ATP2C1: variants seen among roughly 807,000 people sequenced by gnomAD.
ATP2C1 encodes the protein calcium-transporting ATPase type 2C member 1.
In ATP2C1, 31 loss-of-function variants were observed where a neutral mutation model predicts 120.5. That is an observed-to-expected ratio of 0.26 (90% CI 0.19 to 0.35). The LOEUF is 0.35. Ranked by LOEUF, ATP2C1 falls within the 10% of genes least tolerant of loss-of-function variation. ATP2C1 has a pLI of 1.00. For missense variants in ATP2C1, 731 were observed against 1,107.5 expected (o/e 0.66, Z 4.83); for synonymous variants, 351 against 358.7 (o/e 0.98, Z 0.24).
intron 11 of ATP2C1, among the ~76,000 whole-genome samples, chr3:130,956,949 T>C (rs1252828066): frequency 6.6e-6 from 1 of 152,198 alleles, no homozygotes; most frequent in African/African-American, 2.4e-5. Context: ...ATCAATCTTT[T>C]TGTTGTATAA....
chr3:130,996,190 A>C, intron 23 of ATP2C1, 79 bp downstream of exon 23: 1 of 1,022,916 alleles, frequency 9.8e-7, no homozygotes, highest in South Asian at 1.3e-5. Context: ...GAATGCCTAG[A>C]AACTTCTCTG....
chr3:130,972,056 A>AG (rs2061339526), intron 17 of ATP2C1, among the ~76,000 whole-genome samples: 1 of 152,146 alleles, frequency 6.6e-6, no homozygotes, highest in African/African-American at 2.4e-5. Flanking sequence ...TTCCACAGGC[A>AG]GGGGATGGTT....
rs530036049 is a variant in ATP2C1, at chr3:130,912,724, A to G, written c.7-17692A>G. On this transcript the variant is annotated intron_variant, in intron 2 of 27. Transcript: ENST00000510168. Reference sequence around the variant, plus strand: ...TCCTCAGGGATCTAGAACTAGAAATACCATTTGACCCAGCCATCCCATTAC... The same window carrying G: ...TCCTCAGGGATCTAGAACTAGAAATGCCATTTGACCCAGCCATCCCATTAC... Among the ~76,000 whole-genome samples, 43 of 146,534 alleles carry G rather than the reference A, an allele frequency of 2.9e-4. No homozygotes were observed. The South Asian group carries it at 7.9e-3, about 27-fold the overall frequency.
chr3:130,879,386 C>CT, intron 1 of ATP2C1, among the ~76,000 whole-genome samples: 1 of 152,094 alleles, frequency 6.6e-6, no homozygotes, highest in South Asian at 2.1e-4. Flanking sequence ...GTTTTTTTCT[C>CT]TTTTTTTAAT....
At chr3:130,943,247 ACT>A (rs2059997751) in intron 8 of ATP2C1, among the ~76,000 whole-genome samples, 1 of 152,056 alleles carries the variant, frequency 6.6e-6, no homozygotes, top group Admixed American at 6.6e-5. Flanking sequence ...ATGGAGTCTC[ACT>A]CTGTTGCCCA....
exon 27 of ATP2C1, chr3:131,016,679 A>G (rs550897941): frequency 2.9e-6 from 1 of 342,232 alleles, no homozygotes; most frequent in African/African-American, 2.1e-5. Flanking sequence ...TGACTATTAA[A>G]TATTATTCTC....
chr3:130,893,192 G>A (rs910742598), upstream of ATP2C1, among the ~76,000 whole-genome samples: 1 of 152,112 alleles, frequency 6.6e-6, no homozygotes, highest in Non-Finnish European at 1.5e-5. Context: ...GTAAGATGCC[G>A]AGCAAGTGAA....
intron 5 of ATP2C1, among the ~76,000 whole-genome samples, 180 bp from the exon 6 acceptor site, chr3:130,937,248 C>A (rs1231307890): frequency 6.6e-6 from 1 of 152,182 alleles, no homozygotes; most frequent in Non-Finnish European, 1.5e-5. Flanking sequence ...TGGCAAGCCA[C>A]TGTAAACTGT....
intron 17 of ATP2C1, among the ~76,000 whole-genome samples, chr3:130,971,388 A>G (rs1329490423): frequency 2.0e-5 from 3 of 152,164 alleles, no homozygotes; most frequent in Admixed American, 6.5e-5. Flanking sequence ...GTGAAAACCA[A>G]CCAGTGAAAT....
intron 1 of ATP2C1, among the ~76,000 whole-genome samples, chr3:130,887,874 C>T (rs2069030265): frequency 6.6e-6 from 1 of 152,152 alleles, no homozygotes; most frequent in African/African-American, 2.4e-5. Context: ...CTTTACTTTC[C>T]CCTCTGCTTT....
At chr3:130,894,009 T>C (rs959355632), upstream of ATP2C1, 1 of 985,978 alleles carries the variant, frequency 1.0e-6, no homozygotes, top group Non-Finnish European at 1.2e-6. This position sits in a 1 kb window ranked among gnomAD's most constrained non-coding sequence, Gnocchi z 4.5. Context: ...GGTTCGCGGC[T>C]GGCCCAGGAG....
intron 8 of ATP2C1, among the ~76,000 whole-genome samples, chr3:130,950,242 A>G (rs1315226064): frequency 6.6e-6 from 1 of 151,992 alleles, no homozygotes; most frequent in African/African-American, 2.4e-5. Context: ...CTGATTTTTG[A>G]ACTGTTTTAT....
chr3:130,910,293 A>AT (rs2058339440), intron 2 of ATP2C1, among the ~76,000 whole-genome samples: 1 of 150,094 alleles, frequency 6.7e-6, no homozygotes, highest in African/African-American at 2.5e-5. Flanking sequence ...TTGTACATTG[A>AT]TTTTGTATCC....
At chr3:130,911,582 C>A (rs2058415495) in intron 2 of ATP2C1, among the ~76,000 whole-genome samples, 1 of 151,902 alleles carries the variant, frequency 6.6e-6, no homozygotes, top group Non-Finnish European at 1.5e-5. Context: ...CTCTTGTGGG[C>A]ATTTAGTGCT....
chr3:130,850,785 G>T (rs1173075262), exon 1 of ATP2C1: 2 of 1,016,082 alleles, frequency 2.0e-6, no homozygotes, highest in Non-Finnish European at 2.7e-6. Flanking sequence ...TTGCTGACAA[G>T]GAGGTGCAGA....
At chr3:130,909,320 G>A (rs1371529197) in intron 2 of ATP2C1, among the ~76,000 whole-genome samples, 1 of 152,144 alleles carries the variant, frequency 6.6e-6, no homozygotes, top group Non-Finnish European at 1.5e-5. Flanking sequence ...CCTGGTGATT[G>A]GAAACTTTTT....
chr3:130,906,651 C>G (rs993580402), intron 2 of ATP2C1, among the ~76,000 whole-genome samples: 2 of 151,332 alleles, frequency 1.3e-5, no homozygotes, highest in Non-Finnish European at 3.0e-5. Context: ...ATTAATTTCT[C>G]CACATCCTCT....
chr3:130,930,010 G>A (rs539813381), intron 2 of ATP2C1: 14 of 333,810 alleles, frequency 4.2e-5, no homozygotes, highest in South Asian at 3.0e-4. Context: ...CTGACTAAGA[G>A]GAGTAGTTAA....
chr3:130,959,226 T>A (rs1185403590), intron 11 of ATP2C1, 49 bp from the exon 12 acceptor site: 13 of 1,376,548 alleles, frequency 9.4e-6, no homozygotes, highest in Non-Finnish European at 1.0e-5. Context: ...CTGTTCCTTC[T>A]AGGTGATTGT....
Sources: gnomAD v4.1 joint callset for allele counts (sites outside exome capture counted in the v4.1 genomes callset) on GRCh38, gnomAD v4.1.1 for gene constraint, Gnocchi (gnomAD v3.1) non-coding constraint, MANE v1.5 for transcripts, NCBI Gene and HGNC (gene_info 2026-07-23, HGNC 2026-07-21) for gene names.